The following CNTN5 variants were observed in gnomAD, a reference collection of about 807,000 sequenced individuals.
The protein encoded by CNTN5 is contactin-5.
In CNTN5, 77 loss-of-function variants were observed where a neutral mutation model predicts 129.1. The observed-to-expected ratio is 0.60, with a 90% CI of 0.50 to 0.72. The LOEUF (loss-of-function observed/expected upper bound fraction) is 0.72. Among genes scored for constraint, CNTN5 ranks in the 30% least tolerant of loss-of-function variants. The pLI is 0.00. For synonymous variants in CNTN5, 509 were observed against 465.6 expected, an observed-to-expected ratio of 1.09 and a Z score of -1.20; for missense variants, 1,478 against 1,328.8, an observed-to-expected ratio of 1.11 and a Z score of -1.75.
rs973787191 is a variant in CNTN5 at position 99,602,749 on chromosome 11, C to T, written c.55+46480C>T. ...GTTCTCCCAGCACGCAGCTGGAGATCTGAGAACGGGCAGACTGCCTCCTCA... is the reference window on the plus strand; with the variant it reads ...GTTCTCCCAGCACGCAGCTGGAGATTTGAGAACGGGCAGACTGCCTCCTCA... On this transcript the variant is annotated intron_variant, in intron 3 of 24. Coordinates refer to ENST00000524871, the MANE Select transcript of CNTN5 (RefSeq NM_014361.4). Among the ~76,000 whole-genome samples, 3 of 151,214 alleles carry T rather than the reference C, an allele frequency of 2.0e-5. No individual in the cohort carries two copies. In the South Asian group the frequency reaches 6.3e-4, roughly 32 times the overall value.
intron 1 of CNTN5, among the ~76,000 whole-genome samples, chr11:99,158,374 T>G (rs1009817475): frequency 6.6e-6 from 1 of 152,222 alleles, no homozygotes; most frequent in Non-Finnish European, 1.5e-5. Context: ...CTCTCTCGTA[T>G]AGTTATTCTT....
At chr11:99,342,620 G>C (rs1347641932) in intron 2 of CNTN5, among the ~76,000 whole-genome samples, 1 of 141,772 alleles carries the variant, frequency 7.1e-6, no homozygotes, top group Admixed American at 7.1e-5. Context: ...GTGGTGACAC[G>C]TGCCTGTGAT....
Position 99,163,106 on chromosome 11 carries a change from C to G in CNTN5, c.-210+141836C>G, listed in dbSNP as rs541015889. Among the ~76,000 whole-genome samples the G allele has an allele frequency of 1.2e-4, 19 of 152,242 alleles. 1 individual carries two copies. Among genetic ancestry groups the G allele is most frequent in the Admixed American group, 9.8e-4 (15 of 15,280 alleles). ...TGCTTTTGACAAATCACCTATTGAC[C>G]TCGCAGGTTGTTCAACAGTTTTTAT... On this transcript the variant is annotated intron_variant, in intron 1 of 24. Transcript: ENST00000524871.
chr11:99,918,471 T>G (rs1270136806), intron 7 of CNTN5, among the ~76,000 whole-genome samples: 1 of 152,150 alleles, frequency 6.6e-6, no homozygotes. Flanking sequence ...TTTACTATAC[T>G]TTTGTCAAAT....
chr11:100,248,749 T>C (rs1949900039), intron 16 of CNTN5, among the ~76,000 whole-genome samples: 1 of 152,158 alleles, frequency 6.6e-6, no homozygotes, highest in Non-Finnish European at 1.5e-5. Flanking sequence ...GGAGAATTCA[T>C]CTTAGCATTG....
intron 21 of CNTN5, among the ~76,000 whole-genome samples, chr11:100,317,384 T>G (rs1234507431): frequency 2.0e-5 from 3 of 152,202 alleles, no homozygotes; most frequent in Non-Finnish European, 4.4e-5. Context: ...TAACAAAGGT[T>G]GTTTTATTTT....
chr11:99,192,258 A>G (rs925224182), intron 1 of CNTN5, among the ~76,000 whole-genome samples: 21 of 151,996 alleles, frequency 1.4e-4, no homozygotes, highest in African/African-American at 4.6e-4. Flanking sequence ...TTATATGCCA[A>G]CAAATTGGAT....
At chr11:99,024,746 G>A (rs1208795151) in intron 1 of CNTN5, among the ~76,000 whole-genome samples, 3 of 151,948 alleles carry the variant, frequency 2.0e-5, no homozygotes, top group Admixed American at 6.6e-5. Flanking sequence ...TTCCAGAGAG[G>A]CCACAAAGTA....
chr11:100,253,447 C>T (rs1004861970), intron 16 of CNTN5, among the ~76,000 whole-genome samples: 19 of 152,040 alleles, frequency 1.2e-4, no homozygotes, highest in African/African-American at 4.1e-4. Context: ...GATTCTATTA[C>T]CTCCTCTATG....
intron 1 of CNTN5, among the ~76,000 whole-genome samples, chr11:99,322,048 C>G (rs1865596165): frequency 6.6e-6 from 1 of 152,054 alleles, no homozygotes; most frequent in African/African-American, 2.4e-5. Context: ...ATGTCTATTC[C>G]CCAGATCTCC....
intron 8 of CNTN5, among the ~76,000 whole-genome samples, chr11:99,983,615 G>A (rs1272911235): frequency 6.6e-6 from 1 of 152,196 alleles, no homozygotes; most frequent in East Asian, 1.9e-4. Context: ...AGATTAAAGG[G>A]TTGATCTAGA....
At chr11:99,103,764 C>CAAAA (rs35274552) in intron 1 of CNTN5, among the ~76,000 whole-genome samples, 2 of 128,668 alleles carry the variant, frequency 1.6e-5, no homozygotes, top group African/African-American at 3.0e-5. Context: ...AGGTGTCCTT[C>CAAAA]AAAAAAAAAA....
chr11:99,210,879 T>A (rs1055619569), intron 1 of CNTN5, among the ~76,000 whole-genome samples: 2 of 152,178 alleles, frequency 1.3e-5, no homozygotes, highest in Non-Finnish European at 2.9e-5. Flanking sequence ...GGTTCACTGA[T>A]GTATCCTAAA....
chr11:100,010,477 G>A (rs1049376492), intron 9 of CNTN5, among the ~76,000 whole-genome samples: 1 of 152,094 alleles, frequency 6.6e-6, no homozygotes, highest in Admixed American at 6.6e-5. Context: ...GCTAAGGGAA[G>A]GATTCCCTGC....
chr11:99,333,100 A>C (rs537609879), intron 2 of CNTN5, among the ~76,000 whole-genome samples: 1 of 152,170 alleles, frequency 6.6e-6, no homozygotes, highest in African/African-American at 2.4e-5. Flanking sequence ...GCACAAGATC[A>C]GTGTTTAGTC....
intron 3 of CNTN5, among the ~76,000 whole-genome samples, chr11:99,729,890 G>T (rs1943472830): frequency 6.6e-6 from 1 of 152,132 alleles, no homozygotes; most frequent in Non-Finnish European, 1.5e-5. Context: ...ACACATTGGG[G>T]CCTGTGGGGG....
chr11:99,193,377 T>C (rs1220115746), intron 1 of CNTN5, among the ~76,000 whole-genome samples: 1 of 152,194 alleles, frequency 6.6e-6, no homozygotes, highest in Admixed American at 6.5e-5. Flanking sequence ...AATTGTGCAC[T>C]GTGTGCTGTC....
At position 99,352,539 on chromosome 11, in the gene CNTN5, C is replaced by T. The variant is rs145099524; in HGVS notation, c.-71+27055C>T. On this transcript the variant is annotated intron_variant, in intron 2 of 24. Transcript: ENST00000524871. Reference sequence around the variant, plus strand: ...TTTCTTTTTTTTCTATAACTGATCTCATGTTGTTTGGAGCCCCTATTCCTA... The same window carrying T: ...TTTCTTTTTTTTCTATAACTGATCTTATGTTGTTTGGAGCCCCTATTCCTA... Among the ~76,000 whole-genome samples the T allele has an allele frequency of 4.1e-3, 629 of 152,160 alleles. 13 individuals are homozygous for T. The highest frequency in any genetic ancestry group is 0.037 in the Admixed American group (573 of 15,296).
chr11:100,287,519 T>C (rs1950825296), intron 18 of CNTN5, among the ~76,000 whole-genome samples: 1 of 150,096 alleles, frequency 6.7e-6, no homozygotes, highest in African/African-American at 2.5e-5. Flanking sequence ...GCTTCATAAG[T>C]GAAGGAGAAA....
Sources: allele counts gnomAD v4.1 joint callset (sites outside exome capture counted in the v4.1 genomes callset), GRCh38; gene constraint gnomAD v4.1.1; transcripts MANE v1.5; gene names NCBI Gene and HGNC (gene_info 2026-07-23, HGNC 2026-07-21).